The following PDE4D variants were observed in gnomAD, a reference collection of about 807,000 sequenced individuals.
The protein encoded by PDE4D is phosphodiesterase 4D.
A neutral mutation model predicts 87.4 loss-of-function variants in PDE4D; 24 were observed. That is an observed-to-expected ratio of 0.27 (90% CI 0.20 to 0.39). PDE4D has a LOEUF of 0.39. Ranked by LOEUF, PDE4D falls within the 10% of genes least tolerant of loss-of-function variation. The pLI is 1.00. For missense variants in PDE4D, 714 were observed against 1,041.0 expected, an observed-to-expected ratio of 0.69 and a Z score of 4.32; for synonymous variants, 384 against 383.2, an observed-to-expected ratio of 1.00 and a Z score of -0.02.
intron 1 of PDE4D, among the ~76,000 whole-genome samples, chr5:59,874,309 G>C (rs540051085): frequency 1.3e-5 from 2 of 152,248 alleles, no homozygotes; most frequent in South Asian, 4.1e-4. Context: ...TTGCACAAAC[G>C]TGAATATTCT....
intron 1 of PDE4D, among the ~76,000 whole-genome samples, chr5:60,200,858 C>T (rs1311415275): frequency 6.6e-6 from 1 of 151,862 alleles, no homozygotes; most frequent in African/African-American, 2.4e-5. Flanking sequence ...AAGTAATAGA[C>T]CAAGGGAAAA....
Position 59,642,880 on chromosome 5 carries a change from C to A in PDE4D, c.455+250288G>T, listed in dbSNP as rs1741835838. Among the ~76,000 whole-genome samples, 5 of 152,086 alleles carry A rather than the reference C, an allele frequency of 3.3e-5. No homozygotes were observed. In the South Asian group the frequency reaches 1.0e-3, roughly 32 times the overall value. On this transcript the variant is annotated intron_variant, in intron 1 of 14. Coordinates refer to ENST00000340635, the MANE Select transcript of PDE4D (RefSeq NM_001104631.2). Reference sequence around the variant, plus strand: ...TTATAAGCTGTATAACAAAATACTTCTAATAAACTCTTGTTTAGGTAAAAT... The same window carrying A: ...TTATAAGCTGTATAACAAAATACTTATAATAAACTCTTGTTTAGGTAAAAT...
intron 6 of PDE4D, among the ~76,000 whole-genome samples, chr5:59,029,213 C>T (rs1214248342): frequency 6.6e-6 from 1 of 150,558 alleles, no homozygotes; most frequent in African/African-American, 2.4e-5. Flanking sequence ...GAGATCGAGA[C>T]CATCCTGGCT....
chr5:60,013,569 C>T (rs1234808785), intron 2 of PDE4D, among the ~76,000 whole-genome samples: 1 of 152,094 alleles, frequency 6.6e-6, no homozygotes, highest in Non-Finnish European at 1.5e-5. Flanking sequence ...CCCAGAAGCA[C>T]AGCAATTTGC....
At chr5:60,307,966 A>G (rs1173212760) in intron 1 of PDE4D, among the ~76,000 whole-genome samples, 2 of 152,180 alleles carry the variant, frequency 1.3e-5, no homozygotes, top group African/African-American at 4.8e-5. Flanking sequence ...ACTTGAATCC[A>G]GGAGGCTATG....
rs187283691 is a variant in PDE4D, at chr5:59,833,507, T to C, written c.455+59661A>G. 6.4e-3 allele frequency among the ~76,000 whole-genome samples: 975 copies of C among 152,128 alleles called. 10 individuals are homozygous for C. Among genetic ancestry groups the C allele is most frequent in the Non-Finnish European group, 9.7e-3 (658 of 67,942 alleles). On this transcript the variant is annotated intron_variant, in intron 1 of 14. Coordinates refer to ENST00000340635, the MANE Select transcript of PDE4D (RefSeq NM_001104631.2). ...GTCAATTTCAAATAATTTTCAAATT[T>C]CAAATAAGAAAACTCAGAAAGAACT... is the stretch of plus-strand genomic sequence containing the variant.
chr5:59,117,605 T>TA (rs1202264631), intron 5 of PDE4D, among the ~76,000 whole-genome samples: 4 of 152,170 alleles, frequency 2.6e-5, no homozygotes, highest in Non-Finnish European at 2.9e-5. Context: ...TTGTAGTACT[T>TA]ATATGACTTT....
At chr5:59,642,489 G>T (rs1479540583) in intron 1 of PDE4D, among the ~76,000 whole-genome samples, 1 of 152,138 alleles carries the variant, frequency 6.6e-6, no homozygotes, top group Non-Finnish European at 1.5e-5. Flanking sequence ...GAATCATGGG[G>T]GAAGTTTCCC....
chr5:59,368,998 C>G (rs1234075669), intron 1 of PDE4D, among the ~76,000 whole-genome samples: 1 of 152,192 alleles, frequency 6.6e-6, no homozygotes, highest in Non-Finnish European at 1.5e-5. Context: ...CCAAACCCAC[C>G]ACAAATAAAT....
chr5:59,946,890 G>A (rs1395348414), intron 3 of PDE4D, among the ~76,000 whole-genome samples: 1 of 151,908 alleles, frequency 6.6e-6, no homozygotes, highest in Non-Finnish European at 1.5e-5. Flanking sequence ...ATTTATTCTG[G>A]TCCATCGAGA....
intron 1 of PDE4D, among the ~76,000 whole-genome samples, chr5:59,815,880 A>T (rs1299891662): frequency 6.6e-6 from 1 of 152,200 alleles, no homozygotes; most frequent in Non-Finnish European, 1.5e-5. Flanking sequence ...CCTGATCGAC[A>T]TTTTTCATCA....
chr5:58,999,567 ATGT>A, intron 6 of PDE4D: 1 of 1,069,846 alleles, frequency 9.3e-7, no homozygotes, highest in Non-Finnish European at 1.2e-6. Flanking sequence ...ATATATATAT[ATGT>A]ATATATATAG....
intron 5 of PDE4D, among the ~76,000 whole-genome samples, chr5:59,152,175 G>T (rs1779565565): frequency 6.6e-6 from 1 of 152,028 alleles, no homozygotes; most frequent in Non-Finnish European, 1.5e-5. Context: ...TGTAAAATGG[G>T]AATAATAATT....
intron 1 of PDE4D, among the ~76,000 whole-genome samples, chr5:59,867,886 A>G (rs996053536): frequency 3.9e-5 from 6 of 152,200 alleles, no homozygotes; most frequent in African/African-American, 1.4e-4. Flanking sequence ...CTCCATTAGG[A>G]AATACAAGAG....
chr5:59,948,039 A>T (rs1403039793), intron 3 of PDE4D, among the ~76,000 whole-genome samples: 1 of 152,210 alleles, frequency 6.6e-6, no homozygotes, highest in Non-Finnish European at 1.5e-5. Context: ...CAATCAAGGT[A>T]GTAATTTGTA....
chr5:59,310,480 T>C (rs1273617004), intron 1 of PDE4D, among the ~76,000 whole-genome samples: 3 of 152,178 alleles, frequency 2.0e-5, no homozygotes, highest in Admixed American at 1.3e-4. Context: ...TTTGTCTCCA[T>C]AGGGCATCTG....
At chr5:60,144,549 A>AT (rs1562147555) in intron 2 of PDE4D, among the ~76,000 whole-genome samples, 1 of 152,034 alleles carries the variant, frequency 6.6e-6, no homozygotes, top group African/African-American at 2.4e-5. Flanking sequence ...CATTAAAAAG[A>AT]TTTTTTTCCA....
rs371801201 is a variant in PDE4D at position 60,030,988 on chromosome 5, C to A, written c.43-42271G>T. Reference sequence around the variant, plus strand: ...TTCTGATCCAGGGACATGGTATGGACCTTCATGTTATTTTAATTCAATGTT... The same window carrying A: ...TTCTGATCCAGGGACATGGTATGGAACTTCATGTTATTTTAATTCAATGTT... On this transcript the variant is annotated intron_variant, in intron 2 of 16. Coordinates refer to the PDE4D transcript ENST00000502484. 8 of 152,192 alleles carry A rather than the reference C, an allele frequency of 5.3e-5. No homozygotes were observed. The East Asian group carries it at 9.6e-4, about 18-fold the overall frequency. 9.4% of individuals were successfully genotyped at this position (152,192 alleles called of 1,614,324 possible). A position where few individuals can be genotyped will look rare whatever the true frequency, so the allele number is the denominator to read the frequency against.
chr5:59,079,575 C>T (rs1367538538), intron 5 of PDE4D, among the ~76,000 whole-genome samples: 2 of 151,920 alleles, frequency 1.3e-5, no homozygotes, highest in Non-Finnish European at 2.9e-5. Flanking sequence ...CCTGTAATCC[C>T]TACACTTTGC....
Sources: allele counts gnomAD v4.1 joint callset (sites outside exome capture counted in the v4.1 genomes callset), GRCh38; gene constraint gnomAD v4.1.1; transcripts MANE v1.5; gene names NCBI Gene and HGNC (gene_info 2026-07-23, HGNC 2026-07-21).